Variants in KALRN observed in about 807,000 individuals in gnomAD.
KALRN encodes kalirin RhoGEF kinase.
A neutral mutation model predicts 353.7 loss-of-function variants in KALRN; 70 were observed. That is an observed-to-expected ratio of 0.20 (90% CI 0.16 to 0.24). The LOEUF is 0.24. Ranked by LOEUF, KALRN falls within the 10% of genes least tolerant of loss-of-function variation. KALRN has a pLI of 1.00. For missense variants in KALRN, 2,791 were observed against 3,756.7 expected (o/e 0.74, Z 6.72); for synonymous variants, 1,391 against 1,434.8 (o/e 0.97, Z 0.69).
chr3:124,045,528 C>T (rs1053596681), intron 1 of KALRN, among the ~76,000 whole-genome samples: 3 of 152,200 alleles, frequency 2.0e-5, no homozygotes, highest in Non-Finnish European at 4.4e-5. Context: ...ATCCCAACCA[C>T]TGAGTTTTGA....
intron 15 of KALRN, among the ~76,000 whole-genome samples, chr3:124,430,388 T>C (rs1016351504): frequency 6.6e-6 from 1 of 152,204 alleles, no homozygotes; most frequent in African/African-American, 2.4e-5. Context: ...CATTAAGTAA[T>C]GTTTACACTA....
At chr3:124,433,721 C>A (rs1402655871) in intron 16 of KALRN, among the ~76,000 whole-genome samples, 1 of 152,116 alleles carries the variant, frequency 6.6e-6, no homozygotes, top group Non-Finnish European at 1.5e-5. Flanking sequence ...CTGTTATGCC[C>A]CCCAGTGAAG....
rs535373798 is a variant in KALRN at position 124,557,805 on chromosome 3, T to C, written c.4936-5038T>C. ...GGCACAGCTCCCCCTCTGTCAAGAG[T>C]ATCAGATCCAAGTGCTCTGCAAGGC... On this transcript the variant is annotated intron_variant, in intron 33 of 59. Coordinates refer to ENST00000682506, the MANE Select transcript of KALRN (RefSeq NM_001388419.1). 2.6e-5 allele frequency among the ~76,000 whole-genome samples: 4 copies of C among 152,154 alleles called. No homozygotes were observed. The South Asian group carries it at 8.3e-4, about 32-fold the overall frequency.
At chr3:124,536,937 C>T (rs557297663) in intron 33 of KALRN, among the ~76,000 whole-genome samples, 1 of 152,316 alleles carries the variant, frequency 6.6e-6, no homozygotes, top group South Asian at 2.1e-4. Flanking sequence ...GAATCCACAT[C>T]TTCATGCAGG....
At chr3:124,661,061 C>T (rs112011637) in intron 44 of KALRN, 88 bp downstream of exon 44, 56 of 1,076,336 alleles carry the variant, frequency 5.2e-5, no homozygotes, top group African/African-American at 9.5e-5. Flanking sequence ...TCAGGAGGAC[C>T]GTGGATCCAG....
chr3:124,107,633 T>A (rs1578129066), intron 1 of KALRN, among the ~76,000 whole-genome samples: 1 of 152,148 alleles, frequency 6.6e-6, no homozygotes, highest in African/African-American at 2.4e-5. Flanking sequence ...GTTGACTCTT[T>A]CCCTGCCACA....
intron 5 of KALRN, among the ~76,000 whole-genome samples, chr3:124,273,670 T>C (rs1341786137): frequency 6.6e-6 from 1 of 152,238 alleles, no homozygotes; most frequent in Non-Finnish European, 1.5e-5. Context: ...GCACAGCCTC[T>C]GTGCTTGGAG....
chr3:124,477,366 A>T, intron 27 of KALRN, 32 bp downstream of exon 27: 1 of 1,485,848 alleles, frequency 6.7e-7, no homozygotes, highest in Non-Finnish European at 9.4e-7. Context: ...TGAGCAGCTG[A>T]TGAGCAGGTG....
At chr3:124,363,742 AG>A (rs2084320806) in intron 10 of KALRN, among the ~76,000 whole-genome samples, 1 of 152,202 alleles carries the variant, frequency 6.6e-6, no homozygotes. Flanking sequence ...TCACTGTTTG[AG>A]GGCCAGATTC....
intron 1 of KALRN, among the ~76,000 whole-genome samples, chr3:124,038,941 T>G (rs1457582448): frequency 6.6e-6 from 1 of 152,254 alleles, no homozygotes; most frequent in Non-Finnish European, 1.5e-5. Context: ...TCACAGGGCA[T>G]GGCCCCAGGC....
In KALRN at chr3:124,323,988, G is replaced by T. The variant is rs560764066; in HGVS notation, c.1093-1992G>T. 2.0e-5 allele frequency among the ~76,000 whole-genome samples: 3 copies of T among 152,292 alleles called. No homozygotes were observed. The South Asian group carries it at 6.2e-4, about 32-fold the overall frequency. ...CTTGGTCTGTTTGTGGGTTCGGCTG[G>T]AAATGCCAGGAACTTACCCCAGGAA... On this transcript the variant is annotated intron_variant, in intron 6 of 59. Transcript: ENST00000682506.
intron 1 of KALRN, among the ~76,000 whole-genome samples, chr3:124,183,282 C>G (rs2073845734): frequency 6.6e-6 from 1 of 152,116 alleles, no homozygotes; most frequent in Non-Finnish European, 1.5e-5. Flanking sequence ...CATGGTTCTG[C>G]AGGCTGTATA....
chr3:124,717,692 T>TC (rs2063211391), intron 59 of KALRN, among the ~76,000 whole-genome samples: 1 of 151,426 alleles, frequency 6.6e-6, no homozygotes, highest in Admixed American at 6.6e-5. Flanking sequence ...CGAGACTCCC[T>TC]TCAAAAAAAA....
In KALRN at chr3:124,405,970, T is replaced by C. The variant is rs147956696; in HGVS notation, c.2346+7099T>C. Among the ~76,000 whole-genome samples, 6 of 152,238 alleles carry C rather than the reference T, an allele frequency of 3.9e-5. No homozygotes were observed. In the East Asian group the frequency reaches 1.2e-3, roughly 29 times the overall value. On this transcript the variant is annotated intron_variant, in intron 13 of 59. Coordinates refer to ENST00000682506, the MANE Select transcript of KALRN (RefSeq NM_001388419.1). ...AGGATCTCAGTTTTAATCATGATGATAGAGAAGAAAAGAACATAAAATTGG... is the reference window on the plus strand; with the variant it reads ...AGGATCTCAGTTTTAATCATGATGACAGAGAAGAAAAGAACATAAAATTGG...
At chr3:124,240,608 C>A (rs1259463376) in intron 3 of KALRN, among the ~76,000 whole-genome samples, 2 of 152,136 alleles carry the variant, frequency 1.3e-5, no homozygotes, top group African/African-American at 2.4e-5. Context: ...CACTCTCTTC[C>A]CATTCTCTCA....
intron 34 of KALRN, among the ~76,000 whole-genome samples, chr3:124,591,392 C>A (rs1320043590): frequency 1.3e-5 from 2 of 152,200 alleles, no homozygotes; most frequent in Admixed American, 1.3e-4. Context: ...CTCATCTCTA[C>A]CTCCCAAAGT....
chr3:124,712,858 A>C, intron 57 of KALRN, 77 bp from the exon 58 acceptor site: 9 of 1,034,712 alleles, frequency 8.7e-6, no homozygotes, highest in Non-Finnish European at 1.2e-5. Flanking sequence ...ACTTCCCACA[A>C]AACTTTACTT....
intron 51 of KALRN, among the ~76,000 whole-genome samples, chr3:124,682,873 G>A (rs1023370689): frequency 2.0e-5 from 3 of 152,068 alleles, no homozygotes; most frequent in African/African-American, 7.2e-5. Context: ...ATGTTTTCAA[G>A]TACAACTCCT....
At chr3:124,322,515 G>T (rs1273531567) in intron 6 of KALRN, among the ~76,000 whole-genome samples, 1 of 152,144 alleles carries the variant, frequency 6.6e-6, no homozygotes, top group African/African-American at 2.4e-5. Context: ...GAAGAGAGTG[G>T]AGGGGGCAGC....
Sources: gnomAD v4.1 joint callset for allele counts (sites outside exome capture counted in the v4.1 genomes callset) on GRCh38, gnomAD v4.1.1 for gene constraint, MANE v1.5 for transcripts, NCBI Gene and HGNC (gene_info 2026-07-23, HGNC 2026-07-21) for gene names.